ADD2: variants seen among roughly 807,000 people sequenced by gnomAD.
ADD2 encodes the protein beta-adducin.
Under a neutral mutation model 83.0 loss-of-function variants are expected in ADD2, and 23 were observed. That is an observed-to-expected ratio of 0.28 (90% CI 0.20 to 0.39). The LOEUF is 0.39. Among genes scored for constraint, ADD2 ranks in the 10% least tolerant of loss-of-function variants. The pLI, the probability that ADD2 is intolerant of heterozygous loss-of-function variation, is 1.00. For synonymous variants in ADD2, 375 were observed against 375.4 expected (o/e 1.00, Z 0.01); for missense variants, 758 against 944.9 (o/e 0.80, Z 2.59).
At chr2:70,687,010 A>G (rs868989710) in intron 9 of ADD2, 32 of 152,368 alleles carry the variant, frequency 2.1e-4, no homozygotes, top group African/African-American at 7.2e-4. Flanking sequence ...GAGAGGGCGG[A>G]CGGGACACCA....
intron 1 of ADD2, among the ~76,000 whole-genome samples, chr2:70,735,034 A>G (rs1227715453): frequency 3.3e-5 from 5 of 152,054 alleles, no homozygotes; most frequent in Non-Finnish European, 7.4e-5. Context: ...AATTATGAGG[A>G]AAAAAAATGT....
intron 1 of ADD2, among the ~76,000 whole-genome samples, chr2:70,731,371 C>T (rs1673273236): frequency 6.6e-6 from 1 of 152,120 alleles, no homozygotes; most frequent in African/African-American, 2.4e-5. Context: ...AAGGCTGACA[C>T]TAAAGTATGG....
chr2:70,727,923 AT>A (rs1673092260), intron 1 of ADD2, among the ~76,000 whole-genome samples: 3 of 150,944 alleles, frequency 2.0e-5, no homozygotes, highest in African/African-American at 7.4e-5. Flanking sequence ...AAATAAATAA[AT>A]AAATAAATAA....
chr2:70,702,049 T>G (rs1199707259), intron 4 of ADD2, among the ~76,000 whole-genome samples: 1 of 152,236 alleles, frequency 6.6e-6, no homozygotes, highest in African/African-American at 2.4e-5. Context: ...TATAAAATTA[T>G]AAATTTATAA....
At chr2:70,761,975 A>C (rs1222133125) in intron 1 of ADD2, among the ~76,000 whole-genome samples, 2 of 151,812 alleles carry the variant, frequency 1.3e-5, no homozygotes, top group Non-Finnish European at 2.9e-5. Flanking sequence ...GGCCAACACA[A>C]CTATATTTTT....
intron 8 of ADD2, 71 bp downstream of exon 8, chr2:70,690,713 CAT>C (rs1670982729): frequency 1.3e-6 from 2 of 1,515,216 alleles, no homozygotes; most frequent in South Asian, 1.3e-5. Context: ...GTCCAATGAA[CAT>C]ATGTCACTTT....
chr2:70,736,506 C>G (rs880003305), intron 1 of ADD2, among the ~76,000 whole-genome samples: 22 of 152,194 alleles, frequency 1.4e-4, no homozygotes, highest in Non-Finnish European at 2.8e-4. Flanking sequence ...AAATGACCCT[C>G]CAGGTTTCAT....
chr2:70,766,827 A>G (rs2104577092), intron 1 of ADD2, among the ~76,000 whole-genome samples: 1 of 152,374 alleles, frequency 6.6e-6, no homozygotes, highest in East Asian at 1.9e-4. Context: ...GTTGAATCTT[A>G]GACGACAAAC....
intron 1 of ADD2, among the ~76,000 whole-genome samples, chr2:70,762,638 T>A (rs1553385220): frequency 6.7e-6 from 1 of 149,280 alleles, no homozygotes; most frequent in Non-Finnish European, 1.5e-5. Flanking sequence ...TAAATATAAC[T>A]ATATTATATG....
chr2:70,674,994 C>A, intron 13 of ADD2, 169 bp from the exon 14 acceptor site: 1 of 1,330,750 alleles, frequency 7.5e-7, no homozygotes, highest in Non-Finnish European at 9.8e-7. Flanking sequence ...GTTCTTTCCT[C>A]CCCATTGCTA....
intron 1 of ADD2, among the ~76,000 whole-genome samples, chr2:70,728,575 G>T (rs561323236): frequency 1.3e-5 from 2 of 152,326 alleles, no homozygotes; most frequent in African/African-American, 4.8e-5. Context: ...CTCTGAAAAA[G>T]GTGCTGTGTG....
At chr2:70,669,266 C>G (rs1430215472) in intron 15 of ADD2, among the ~76,000 whole-genome samples, 1 of 151,320 alleles carries the variant, frequency 6.6e-6, no homozygotes, top group East Asian at 1.9e-4. Flanking sequence ...AAAGAATCAC[C>G]CAGAGAGCTT....
intron 1 of ADD2, among the ~76,000 whole-genome samples, chr2:70,757,960 A>T (rs1481940234): frequency 2.6e-5 from 4 of 152,230 alleles, no homozygotes; most frequent in Non-Finnish European, 5.9e-5. Context: ...CAATAAAATG[A>T]TTCACAATCA....
intron 1 of ADD2, among the ~76,000 whole-genome samples, chr2:70,723,282 A>AT (rs1553377693): frequency 6.6e-6 from 1 of 152,246 alleles, no homozygotes; most frequent in African/African-American, 2.4e-5. Flanking sequence ...AAGATAATAT[A>AT]TGAAAGCACA....
In ADD2 at chr2:70,674,715, G is replaced by A. The variant is rs1346467272; in HGVS notation, c.1704C>T (p.Tyr568=). Residue 568 remains tyrosine (Y), a synonymous_variant, in exon 14 of 16, where the codon TAC becomes TAT. Transcript: ENST00000264436. ...GTTTCTTCCTCTCCACCTCTTTCTT[G>A]TACTCCTCCAACTCCTGGTCAGTGA... ...SQLTDQELEE[Y]KKEVERKKLE... 13 of 1,614,066 alleles carry A rather than the reference G, an allele frequency of 8.1e-6. No homozygotes were observed. Among genetic ancestry groups the A allele is most frequent in the Non-Finnish European group, 1.1e-5 (13 of 1,179,988 alleles).
chr2:70,664,993 T>C (rs1675718004), intron 15 of ADD2, among the ~76,000 whole-genome samples: 1 of 151,610 alleles, frequency 6.6e-6, no homozygotes, highest in African/African-American at 2.4e-5. Context: ...TGCGAGTGAG[T>C]GTGTGACACA....
chr2:70,744,972 T>C (rs782477163), intron 1 of ADD2, among the ~76,000 whole-genome samples: 2 of 152,084 alleles, frequency 1.3e-5, no homozygotes. Context: ...TTGGATCAGT[T>C]AATGGAACTG....
intron 1 of ADD2, among the ~76,000 whole-genome samples, chr2:70,765,429 G>A (rs374303250): frequency 1.4e-4 from 20 of 146,962 alleles, no homozygotes; most frequent in Non-Finnish European, 2.4e-4. Context: ...TTTGTGTTTT[G>A]TGTTTTTCCC....
intron 1 of ADD2, among the ~76,000 whole-genome samples, chr2:70,761,833 G>C (rs1239261024): frequency 6.6e-6 from 1 of 150,946 alleles, no homozygotes; most frequent in African/African-American, 2.5e-5. Flanking sequence ...CACCACGCCT[G>C]GCTAATTTTT....
Sources: allele counts gnomAD v4.1 joint callset (sites outside exome capture counted in the v4.1 genomes callset), GRCh38; gene constraint gnomAD v4.1.1; transcripts MANE v1.5; gene names NCBI Gene and HGNC (gene_info 2026-07-23, HGNC 2026-07-21).